The following STKLD1 variants were observed in gnomAD, a reference collection of about 807,000 sequenced individuals.
The protein encoded by STKLD1 is serine/threonine kinase like domain containing 1.
A neutral mutation model predicts 80.4 loss-of-function variants in STKLD1; 79 were observed. The ratio of observed to expected loss-of-function variants is 0.98; its 90% confidence interval spans 0.82 to 1.19. STKLD1 has a LOEUF of 1.19. Among genes scored for constraint, STKLD1 ranks in the 50% most tolerant of loss-of-function variants. The pLI is 0.00. For missense variants in STKLD1, 841 were observed against 856.0 expected (o/e 0.98, Z 0.22); for synonymous variants, 393 against 357.6 (o/e 1.10, Z -1.12).
In STKLD1 at chr9:133,383,966, C is replaced by T. The variant is rs1838209512; in HGVS notation, c.219+66C>T. ...GAGCATACACAGACTGTGTTCTGTA[C>T]CTTCTTGTTGAGTGCCTGGATGAAG... On this transcript the variant is annotated intron_variant, in intron 3 of 17. Transcript: ENST00000371957. 5.4e-6 allele frequency: 8 copies of T among 1,473,854 alleles called. No homozygotes were observed. The South Asian group carries it at 9.1e-5, about 17-fold the overall frequency. 91.3% of individuals were successfully genotyped at this position (1,473,854 alleles called of 1,614,324 possible). A position where few individuals can be genotyped will look rare whatever the true frequency, so the allele number is the denominator to read the frequency against.
intron 1 of STKLD1, among the ~76,000 whole-genome samples, chr9:133,377,047 A>G (rs1285077025): frequency 6.6e-6 from 1 of 152,242 alleles, no homozygotes; most frequent in Non-Finnish European, 1.5e-5. Flanking sequence ...ACTTTATTAA[A>G]TGTTAGATTC....
At position 133,389,131 on chromosome 9, in the gene STKLD1, G is replaced by C; in HGVS notation, c.397-395G>C. On this transcript the variant is annotated intron_variant, in intron 5 of 17. Coordinates refer to ENST00000371957, the MANE Select transcript of STKLD1 (RefSeq NM_153710.5). The surrounding 1 kb of genome is among the most constrained non-coding windows in gnomAD (Gnocchi z 6.4). ...CTCTCAGGGCTCTTTTCATTTGAAT[G>C]ACCTAGAGGATTGAGCTCATGTAGG... 1.0e-6 allele frequency: 1 copy of C among 985,390 alleles called. No homozygotes were observed. Among genetic ancestry groups the C allele is most frequent in the South Asian group, 4.7e-5 (1 of 21,284 alleles). 61.0% of individuals were successfully genotyped at this position (985,390 alleles called of 1,614,324 possible).
chr9:133,397,446 A>G (rs587711520), intron 10 of STKLD1, 152 bp downstream of exon 10: 34 of 1,011,034 alleles, frequency 3.4e-5, no homozygotes, highest in Admixed American at 6.7e-5. Context: ...CCCTCCATCC[A>G]TCCCTACACA....
intron 12 of STKLD1, among the ~76,000 whole-genome samples, chr9:133,401,136 TTA>T (rs917998720): frequency 4.7e-5 from 7 of 148,770 alleles, no homozygotes; most frequent in African/African-American, 1.8e-4. Flanking sequence ...CAAAAAGTAT[TTA>T]GTTACTTTTT....
rs199901953 is a variant in STKLD1, at chr9:133,395,633, C to T, written c.736C>T (p.Arg246Cys). 7.4e-6 allele frequency: 12 copies of T among 1,613,038 alleles called. No individual in the cohort carries two copies. Among genetic ancestry groups the T allele is most frequent in the African/African-American group, 4.0e-5 (3 of 74,978 alleles). Residue 246 changes from arginine to cysteine, a missense_variant, in exon 9 of 18, where the codon CGC (arginine) becomes TGC (cysteine). Transcript: ENST00000371957. Reference sequence around the variant, plus strand: ...AGCCATGCATCTGCGGAAGTCCCTCCGCCAGAGCCCAGGCAGCCTGAAGGC... The same window carrying T: ...AGCCATGCATCTGCGGAAGTCCCTCTGCCAGAGCCCAGGCAGCCTGAAGGC... ...TEAMHLRKSL[R>C]QSPGSLKAVL...
In STKLD1 at chr9:133,395,242, T is replaced by C. The variant is rs191735024; in HGVS notation, c.703-358T>C. ...ATGAGAGCCTTCCCACTTCGGAGGC[T>C]GTGTGACATCCTGGAAATTAGCCTG... On this transcript the variant is annotated intron_variant, in intron 8 of 17. Transcript: ENST00000371957. Among the ~76,000 whole-genome samples the C allele has an allele frequency of 1.9e-3, 296 of 152,300 alleles. 3 individuals carry two copies. The highest frequency in any genetic ancestry group is 3.7e-4 in the Non-Finnish European group (25 of 68,030).
chr9:133,386,498 G>C (rs782688315), intron 4 of STKLD1, among the ~76,000 whole-genome samples: 1 of 152,232 alleles, frequency 6.6e-6, no homozygotes, highest in South Asian at 2.1e-4. Flanking sequence ...TGCAGCCCCT[G>C]TGCAGCTTAC....
At position 133,390,281 on chromosome 9, in the gene STKLD1, C is replaced by T. The variant is rs1445527460; in HGVS notation, c.468-400C>T. Reference sequence around the variant, plus strand: ...GCAGACCATACGTACAAAGGGAATGCTCACATTCCACATCCAGTGTTCATG... The same window carrying T: ...GCAGACCATACGTACAAAGGGAATGTTCACATTCCACATCCAGTGTTCATG... On this transcript the variant is annotated intron_variant, in intron 6 of 17. Transcript: ENST00000371957. The surrounding 1 kb of genome is among the most constrained non-coding windows in gnomAD (Gnocchi z 5.1). Among the ~76,000 whole-genome samples, 2 of 151,392 alleles carry T rather than the reference C, an allele frequency of 1.3e-5. No individual in the cohort carries two copies. The highest frequency in any genetic ancestry group is 4.9e-5 in the African/African-American group (2 of 41,148).
At chr9:133,402,669 T>C (rs587610346) in intron 13 of STKLD1, among the ~76,000 whole-genome samples, 1 of 152,282 alleles carries the variant, frequency 6.6e-6, no homozygotes, top group African/African-American at 2.4e-5. Context: ...ATGGCAGCTA[T>C]TGGGACTGGT....
At chr9:133,403,490 A>G (rs1401984686) in intron 14 of STKLD1, among the ~76,000 whole-genome samples, 2 of 152,086 alleles carry the variant, frequency 1.3e-5, no homozygotes, top group African/African-American at 4.8e-5. Flanking sequence ...AGCCCGGGAA[A>G]CCCAAGAACC....
At chr9:133,400,320 C>T (rs1838666626) in intron 11 of STKLD1, 93 bp from the exon 12 acceptor site, 1 of 871,842 alleles carries the variant, frequency 1.1e-6, no homozygotes, top group East Asian at 2.4e-5. Context: ...TAGGGCCCTG[C>T]AGGCTCCTAC....
chr9:133,400,546 G>A lies in STKLD1; in HGVS notation c.1198+17G>A, dbSNP rs1205960795. 1 of 1,590,092 alleles carries A rather than the reference G, an allele frequency of 6.3e-7. No individual in the cohort carries two copies. Among genetic ancestry groups the A allele is most frequent in the African/African-American group, 1.3e-5 (1 of 74,432 alleles). ...TGGGCCAAGGTGGGTGCCAAACCAG[G>A]CCAGATGGGGTCGGGGAGGCTGTGC... is the stretch of plus-strand genomic sequence containing the variant. On this transcript the variant is annotated intron_variant, in intron 12 of 17. Coordinates refer to ENST00000371957, the MANE Select transcript of STKLD1 (RefSeq NM_153710.5).
At chr9:133,379,401 G>A (rs1007604830) in intron 2 of STKLD1, among the ~76,000 whole-genome samples, 16 of 152,138 alleles carry the variant, frequency 1.1e-4, no homozygotes, top group African/African-American at 3.4e-4. Flanking sequence ...TTCATCTCCC[G>A]TCAACCCTGT....
intron 11 of STKLD1, among the ~76,000 whole-genome samples, chr9:133,399,429 G>C (rs927720833): frequency 3.3e-5 from 5 of 152,058 alleles, no homozygotes; most frequent in African/African-American, 1.2e-4. Context: ...CCTCCTCTTC[G>C]ACCCCTTTTG....
intron 2 of STKLD1, among the ~76,000 whole-genome samples, chr9:133,381,464 T>C (rs935297475): frequency 7.1e-6 from 1 of 141,110 alleles, no homozygotes; most frequent in African/African-American, 2.7e-5. Context: ...TTTTTTTTTT[T>C]TTTGAGACGG....
In STKLD1 at chr9:133,398,074, C is replaced by T. The variant is rs782414662; in HGVS notation, c.1081+19C>T. ...CAGCTAGGTAGGCCCCACCCTGCAC[C>T]CCTTTCCCAGCTGCTCCCCTAGGGG... On this transcript the variant is annotated intron_variant, in intron 11 of 17. Transcript: ENST00000371957. The T allele has an allele frequency of 1.9e-6, 3 of 1,610,140 alleles. No individual in the cohort carries two copies.
chr9:133,397,906 C>T (rs749892606), intron 10 of STKLD1, 66 bp from the exon 11 acceptor site: 14 of 1,374,580 alleles, frequency 1.0e-5, no homozygotes, highest in African/African-American at 4.3e-5. Context: ...AGTGTGGTGC[C>T]GAGAAACAGA....
intron 9 of STKLD1, among the ~76,000 whole-genome samples, chr9:133,396,296 G>A (rs1838562006): frequency 6.6e-6 from 1 of 152,282 alleles, no homozygotes; most frequent in South Asian, 2.1e-4. Context: ...TTAGCTGGGT[G>A]TAGTGGTGCA....
chr9:133,398,144 C>A, intron 11 of STKLD1, 89 bp downstream of exon 11: 1 of 1,291,014 alleles, frequency 7.7e-7, no homozygotes, highest in Non-Finnish European at 1.1e-6. Context: ...CTGGCCCTCA[C>A]CCCGGGCTCT....
Sources: allele counts gnomAD v4.1 joint callset (sites outside exome capture counted in the v4.1 genomes callset), GRCh38; gene constraint gnomAD v4.1.1; non-coding constraint Gnocchi (gnomAD v3.1); transcripts MANE v1.5; gene names NCBI Gene and HGNC (gene_info 2026-07-23, HGNC 2026-07-21).